The following SLC6A2 variants were observed in gnomAD, a reference collection of about 807,000 sequenced individuals.
The protein encoded by SLC6A2 is solute carrier family 6 member 2, also known as sodium-dependent noradrenaline transporter.
A neutral mutation model predicts 71.7 loss-of-function variants in SLC6A2; 26 were observed. That is an observed-to-expected ratio of 0.36 (90% CI 0.27 to 0.50). The LOEUF (loss-of-function observed/expected upper bound fraction) is 0.50. Among genes scored for constraint, SLC6A2 ranks in the 20% least tolerant of loss-of-function variants. The pLI is 0.96. For missense variants in SLC6A2, 581 were observed against 803.9 expected, an observed-to-expected ratio of 0.72 and a Z score of 3.35; for synonymous variants, 363 against 337.9, an observed-to-expected ratio of 1.07 and a Z score of -0.82.
chr16:55,697,847 G>C (rs571700453), intron 9 of SLC6A2, 50 bp from the exon 10 acceptor site: 10 of 1,610,190 alleles, frequency 6.2e-6, no homozygotes, highest in Non-Finnish European at 8.5e-6. Flanking sequence ...TGAGACTGAG[G>C]TCCAGGGAGA....
In SLC6A2 at chr16:55,694,037, T is replaced by C. The variant is rs753295094; in HGVS notation, c.946T>C (p.Phe316Leu). ...TVWIDAATQI[F>L]FSLGAGFGVL... ...ATGGATTGATGCCGCAACTCAGATA[T>C]TTTTTTCCTTGGGGGCTGGATTTGG... The change falls in exon 7 of 15, where the codon TTT (phenylalanine) becomes CTT (leucine). Residue 316 changes from phenylalanine to leucine, a missense_variant. Transcript: ENST00000568943. 1 of 1,612,754 alleles carries C rather than the reference T, an allele frequency of 6.2e-7. No homozygotes were observed. The highest frequency in any genetic ancestry group is 8.5e-7 in the Non-Finnish European group (1 of 1,178,704).
At chr16:55,664,567 C>T (rs773338662) in intron 2 of SLC6A2, among the ~76,000 whole-genome samples, 1 of 152,218 alleles carries the variant, frequency 6.6e-6, no homozygotes, top group Non-Finnish European at 1.5e-5. Flanking sequence ...AGCTGCTGCA[C>T]ATCTGCTCTT....
intron 5 of SLC6A2, among the ~76,000 whole-genome samples, chr16:55,690,530 C>T (rs1965584303): frequency 6.6e-6 from 1 of 152,158 alleles, no homozygotes; most frequent in South Asian, 2.1e-4. Context: ...GTGGAACCAT[C>T]TGGCATTTAG....
chr16:55,693,812 T>C (rs1211336838), intron 6 of SLC6A2, among the ~76,000 whole-genome samples, 198 bp from the exon 7 acceptor site: 1 of 152,208 alleles, frequency 6.6e-6, no homozygotes, highest in Non-Finnish European at 1.5e-5. Context: ...TGGGAGATGC[T>C]AGAGAGGCCC....
chr16:55,703,669 G>A lies in SLC6A2; in HGVS notation c.*1323G>A. 1.0e-6 allele frequency: 1 copy of A among 985,402 alleles called. No individual in the cohort carries two copies. The highest frequency in any genetic ancestry group is 4.7e-5 in the South Asian group (1 of 21,284). 61.0% of individuals were successfully genotyped at this position (985,402 alleles called of 1,614,324 possible). A position where few individuals can be genotyped will look rare whatever the true frequency, so the allele number is the denominator to read the frequency against. On this transcript the variant is annotated 3_prime_UTR_variant, in exon 15 of 15. Coordinates refer to ENST00000568943, the MANE Select transcript of SLC6A2 (RefSeq NM_001172501.3). ...TAAATTGGTGGCATCTTTGGGAGGG[G>A]TTTCTGTTTATGGTTAGAGTCTCTT...
intron 10 of SLC6A2, 46 bp downstream of exon 10, chr16:55,698,071 G>T (rs188330863): frequency 2.5e-6 from 4 of 1,596,526 alleles, no homozygotes; most frequent in Admixed American, 1.7e-5. Context: ...CTCTGAGGCC[G>T]CATTTCAATA....
chr16:55,699,979 A>G, intron 12 of SLC6A2, among the ~76,000 whole-genome samples, 160 bp from the exon 13 acceptor site: 1 of 150,602 alleles, frequency 6.6e-6, no homozygotes, highest in East Asian at 2.0e-4. Context: ...TTATTTCTCC[A>G]TCTCTTTCTC....
rs546388812 is a variant in SLC6A2 at position 55,667,286 on chromosome 16, G to A, written c.275-2279G>A. Among the ~76,000 whole-genome samples, 9 of 152,324 alleles carry A rather than the reference G, an allele frequency of 5.9e-5. No individual in the cohort carries two copies. In the South Asian group the frequency reaches 1.7e-3, roughly 28 times the overall value. Reference sequence around the variant, plus strand: ...GTAGCAGTTGGCCACAAGGCAGAGTGGGGCTGCGCCAGATCCAGGTTTGAA... The same window carrying A: ...GTAGCAGTTGGCCACAAGGCAGAGTAGGGCTGCGCCAGATCCAGGTTTGAA... On this transcript the variant is annotated intron_variant, in intron 2 of 14. Coordinates refer to ENST00000568943, the MANE Select transcript of SLC6A2 (RefSeq NM_001172501.3).
intron 7 of SLC6A2, 28 bp from the exon 8 acceptor site, chr16:55,695,250 C>G: frequency 6.2e-7 from 1 of 1,613,872 alleles, no homozygotes; most frequent in Non-Finnish European, 8.5e-7. Context: ...TGTCAAGGGA[C>G]TTGACCTCAC....
intron 4 of SLC6A2, among the ~76,000 whole-genome samples, chr16:55,674,475 A>T (rs1196274125): frequency 4.6e-5 from 7 of 150,554 alleles, no homozygotes; most frequent in African/African-American, 1.7e-4. Context: ...CTCAGGCTGG[A>T]GTGCAGTGGT....
rs148802309 is a variant in SLC6A2 at position 55,705,183 on chromosome 16, T to A, written c.*2837T>A. 6 of 1,489,996 alleles carry A rather than the reference T, an allele frequency of 4.0e-6. No homozygotes were observed. The highest frequency in any genetic ancestry group is 5.4e-6 in the Non-Finnish European group (6 of 1,104,684). 92.3% of individuals were successfully genotyped at this position (1,489,996 alleles called of 1,614,324 possible). ...CATTTACGTCTACTCAATGTCTAGT[T>A]ATTTAGCACCCACCTTTTAGCTTTC... On this transcript the variant is annotated 3_prime_UTR_variant, in exon 15 of 15. Transcript: ENST00000568943.
chr16:55,695,188 C>A, intron 7 of SLC6A2, 90 bp from the exon 8 acceptor site: 1 of 1,511,258 alleles, frequency 6.6e-7, no homozygotes, highest in East Asian at 2.3e-5. Context: ...GAGGCTGGGG[C>A]CAGGCTGCAG....
chr16:55,658,790 C>T (rs968786968), intron 2 of SLC6A2, among the ~76,000 whole-genome samples: 20 of 152,228 alleles, frequency 1.3e-4, no homozygotes, highest in Admixed American at 3.3e-4. Context: ...TGTGACTCTG[C>T]GGGCTCAATG....
At chr16:55,694,237 AC>A in intron 7 of SLC6A2, 124 bp downstream of exon 7, 1 of 750,710 alleles carries the variant, frequency 1.3e-6, no homozygotes. Flanking sequence ...CTTCTTGTGA[AC>A]CATCCTGGGC....
At position 55,677,523 on chromosome 16, in the gene SLC6A2, A is replaced by T. The variant is rs111734625; in HGVS notation, c.644+5348A>T. ...AGACACCCAGCCAGAGGGAGAGGTGAGATAGGTTTTGAGACCCTACTTACT... is the reference window on the plus strand; with the variant it reads ...AGACACCCAGCCAGAGGGAGAGGTGTGATAGGTTTTGAGACCCTACTTACT... On this transcript the variant is annotated intron_variant, in intron 4 of 14. Transcript: ENST00000568943. 7.1e-3 allele frequency among the ~76,000 whole-genome samples: 1,078 copies of T among 152,206 alleles called. 10 individuals are homozygous for T. The highest frequency in any genetic ancestry group is 0.023 in the African/African-American group (937 of 41,510).
At chr16:55,680,938 G>T (rs2062262031) in intron 4 of SLC6A2, among the ~76,000 whole-genome samples, 1 of 152,088 alleles carries the variant, frequency 6.6e-6, no homozygotes, top group Non-Finnish European at 1.5e-5. Context: ...GGTAGACCTT[G>T]ATGACCCACC....
chr16:55,695,574 G>C (rs765446017), intron 8 of SLC6A2, among the ~76,000 whole-genome samples, 172 bp downstream of exon 8: 1 of 152,204 alleles, frequency 6.6e-6, no homozygotes, highest in Non-Finnish European at 1.5e-5. Context: ...GGGCATTCCA[G>C]GCAGTCACAG....
chr16:55,690,335 G>T (rs1965577633), intron 5 of SLC6A2, among the ~76,000 whole-genome samples: 2 of 152,154 alleles, frequency 1.3e-5, no homozygotes, highest in Middle Eastern at 3.2e-3. Flanking sequence ...TAAAGAAAGA[G>T]GATAAATCCC....
chr16:55,695,561 A>G (rs1198172602), intron 8 of SLC6A2, among the ~76,000 whole-genome samples, 159 bp downstream of exon 8: 1 of 152,182 alleles, frequency 6.6e-6, no homozygotes, highest in Non-Finnish European at 1.5e-5. Context: ...TGAGGTTATT[A>G]GTGGGCATTC....
Sources: allele counts gnomAD v4.1 joint callset (sites outside exome capture counted in the v4.1 genomes callset), GRCh38; gene constraint gnomAD v4.1.1; transcripts MANE v1.5; gene names NCBI Gene and HGNC (gene_info 2026-07-23, HGNC 2026-07-21).